Variants in TCTN1 observed in about 807,000 individuals in gnomAD.
TCTN1 encodes tectonic family member 1, also known as tectonic-1.
A neutral mutation model predicts 65.8 loss-of-function variants in TCTN1; 58 were observed. That is an observed-to-expected ratio of 0.88 (90% confidence interval 0.71 to 1.10). The LOEUF (loss-of-function observed/expected upper bound fraction) is 1.10, where lower values mean the gene tolerates loss of function less well. TCTN1 is among the 50% of genes least tolerant of loss of function. The pLI is 0.00. For missense variants in TCTN1, 645 were observed against 719.4 expected (o/e 0.90, Z 1.18); for synonymous variants, 273 against 289.1 (o/e 0.94, Z 0.57).
chr12:110,620,483 A>C (rs1251939396), intron 2 of TCTN1, among the ~76,000 whole-genome samples: 4 of 152,144 alleles, frequency 2.6e-5, no homozygotes, highest in African/African-American at 9.7e-5. Flanking sequence ...GAGAGAATAT[A>C]CATTAAAATA....
rs1437130112 is a variant in TCTN1 at position 110,639,527 on chromosome 12, G to A, written c.844-856G>A. On this transcript the variant is annotated intron_variant, in intron 7 of 14. Transcript: ENST00000397659. The surrounding 1 kb of genome is among the most constrained non-coding windows in gnomAD (Gnocchi z 4.9). ...TATAAATTGGGTCAAATGAATATTCGGGGGTGTGTGGGGGCTTAAGGATAT... is the reference window on the plus strand; with the variant it reads ...TATAAATTGGGTCAAATGAATATTCAGGGGTGTGTGGGGGCTTAAGGATAT... Among the ~76,000 whole-genome samples the A allele has an allele frequency of 6.6e-6, 1 of 151,918 alleles. No homozygotes were observed. Among genetic ancestry groups the A allele is most frequent in the Non-Finnish European group, 1.5e-5 (1 of 67,992 alleles).
At chr12:110,629,248 G>T (rs1454814245) in intron 4 of TCTN1, 1 of 430,768 alleles carries the variant, frequency 2.3e-6, no homozygotes, top group Non-Finnish European at 4.1e-6. Flanking sequence ...TGACAAATGG[G>T]ATCTAATTAA....
intron 1 of TCTN1, chr12:110,616,460 T>C: frequency 7.8e-6 from 2 of 256,034 alleles, no homozygotes; most frequent in South Asian, 7.4e-5. Flanking sequence ...TTGCCCAGGC[T>C]GGTCTTGAAC....
At chr12:110,616,659 T>G (rs1195374317) in intron 1 of TCTN1, 1 of 154,656 alleles carries the variant, frequency 6.5e-6, no homozygotes, top group African/African-American at 2.4e-5. Context: ...TCACCTATGA[T>G]GTATCTCATT....
Position 110,640,964 on chromosome 12 carries a change from T to C in TCTN1, c.979-60T>C. ...TGCTATCTATGGGTGTTTTCAGTTATTCATACAGCTTCTGAAATGTAATGG... is the reference window on the plus strand; with the variant it reads ...TGCTATCTATGGGTGTTTTCAGTTACTCATACAGCTTCTGAAATGTAATGG... On this transcript the variant is annotated intron_variant, in intron 8 of 14. Coordinates refer to ENST00000397659, the MANE Select transcript of TCTN1 (RefSeq NM_001082538.3). This position sits in a 1 kb window ranked among gnomAD's most constrained non-coding sequence, Gnocchi z 4.9. The C allele has an allele frequency of 6.2e-7, 1 of 1,610,420 alleles. No homozygotes were observed. The highest frequency in any genetic ancestry group is 1.3e-5 in the African/African-American group (1 of 74,974).
Position 110,644,232 on chromosome 12 carries a change from A to G in TCTN1, c.1332-735A>G, listed in dbSNP as rs1445184740. 6.6e-6 allele frequency: 1 copy of G among 152,668 alleles called. No homozygotes were observed. Among genetic ancestry groups the G allele is most frequent in the African/African-American group, 2.4e-5 (1 of 41,468 alleles). 9.5% of individuals were successfully genotyped at this position (152,668 alleles called of 1,614,324 possible). On this transcript the variant is annotated intron_variant, in intron 11 of 14. Transcript: ENST00000397659. This position sits in a 1 kb window ranked among gnomAD's most constrained non-coding sequence, Gnocchi z 4.6. ...ACTTTGGCCATGAAACCCTTCTTGT[A>G]CAGATCTTCAGTGGAACACAGTTTG...
chr12:110,627,995 G>A (rs977741573), intron 3 of TCTN1: 13 of 1,506,364 alleles, frequency 8.6e-6, no homozygotes, highest in African/African-American at 2.8e-5. Context: ...GTTCTCTGTC[G>A]TAACACCAGC....
At chr12:110,647,653 C>CT in intron 13 of TCTN1, 96 bp from the exon 14 acceptor site, 4 of 1,565,954 alleles carry the variant, frequency 2.6e-6, no homozygotes, top group Non-Finnish European at 3.5e-6. Context: ...CATGAACTGA[C>CT]AGTAGTTGGG....
In TCTN1 at chr12:110,645,045, C is replaced by T. The variant is rs370336923; in HGVS notation, c.1410C>T (p.Tyr470=). The T allele has an allele frequency of 2.0e-4, 318 of 1,614,198 alleles. 1 individual carries two copies. The African/African-American group carries it at 3.7e-3, about 19-fold the overall frequency. The change falls in exon 12 of 15, where the codon TAC becomes TAT. Residue 470 remains tyrosine, a synonymous_variant. Transcript: ENST00000397659. ...SLLWGQGFPD[Y]VAPFGNSQAQ... ...TGTGGGGCCAGGGCTTCCCAGATTA[C>T]GTGGCCCCTTTTGGAAATTCCCAGG...
intron 2 of TCTN1, among the ~76,000 whole-genome samples, chr12:110,624,612 C>G (rs558388599): frequency 2.7e-5 from 4 of 148,074 alleles, no homozygotes; most frequent in African/African-American, 7.5e-5. Context: ...GAGAGAGAGT[C>G]TCACTCTGTC....
At chr12:110,648,460 A>T (rs923744317) in intron 14 of TCTN1, among the ~76,000 whole-genome samples, 4 of 152,224 alleles carry the variant, frequency 2.6e-5, no homozygotes, top group African/African-American at 9.6e-5. Flanking sequence ...CATGAACAGG[A>T]CTTGAAGCAG....
chr12:110,628,341 CT>C (rs1220087506), intron 3 of TCTN1: 130,639 of 817,212 alleles, frequency 0.16, 488 homozygotes, highest in Middle Eastern at 0.18. Flanking sequence ...GAAAAATACA[CT>C]TTTTTTTTTT....
At chr12:110,647,595 C>A in intron 13 of TCTN1, 154 bp from the exon 14 acceptor site, 1 of 1,219,462 alleles carries the variant, frequency 8.2e-7, no homozygotes, top group Non-Finnish European at 1.2e-6. Context: ...AAAATTGTTT[C>A]TCTCATCCAA....
At chr12:110,633,985 A>C (rs571345434) in intron 5 of TCTN1, among the ~76,000 whole-genome samples, 6 of 152,324 alleles carry the variant, frequency 3.9e-5, no homozygotes, top group Admixed American at 1.3e-4. Context: ...TTAAGTGTTC[A>C]TTAATAGGGA....
At chr12:110,624,391 G>GT (rs893529478) in intron 2 of TCTN1, among the ~76,000 whole-genome samples, 1 of 147,790 alleles carries the variant, frequency 6.8e-6, no homozygotes, top group Non-Finnish European at 1.5e-5. Context: ...TTTTTTCTTT[G>GT]TTTTTTGTAG....
intron 14 of TCTN1, among the ~76,000 whole-genome samples, chr12:110,648,417 A>G (rs1302313487): frequency 1.3e-5 from 2 of 152,176 alleles, no homozygotes; most frequent in Non-Finnish European, 2.9e-5. Context: ...TAGATGATAG[A>G]ACCCAAAAAG....
chr12:110,634,917 A>T (rs2066460879), intron 6 of TCTN1, 138 bp downstream of exon 6: 2 of 636,912 alleles, frequency 3.1e-6, no homozygotes. Context: ...CTTTTATATC[A>T]GTGATTATTG....
intron 1 of TCTN1, among the ~76,000 whole-genome samples, chr12:110,615,589 T>G (rs2064981980): frequency 6.6e-6 from 1 of 152,172 alleles, no homozygotes; most frequent in African/African-American, 2.4e-5. Context: ...CAAGGGATCC[T>G]TCTGCCTCAG....
intron 9 of TCTN1, 89 bp from the exon 10 acceptor site, chr12:110,641,453 A>G: frequency 7.7e-7 from 1 of 1,295,608 alleles, no homozygotes; most frequent in East Asian, 2.3e-5. Flanking sequence ...TGGTAATTCC[A>G]TATTTTATTA....
Sources: gnomAD v4.1 joint callset for allele counts (sites outside exome capture counted in the v4.1 genomes callset) on GRCh38, gnomAD v4.1.1 for gene constraint, Gnocchi (gnomAD v3.1) non-coding constraint, MANE v1.5 for transcripts, NCBI Gene and HGNC (gene_info 2026-07-23, HGNC 2026-07-21) for gene names.